FAM78A: variants seen among roughly 807,000 people sequenced by gnomAD.
FAM78A encodes the protein protein FAM78A.
Under a neutral mutation model 22.6 loss-of-function variants are expected in FAM78A, and 12 were observed. The ratio of observed to expected loss-of-function variants is 0.53; its 90% confidence interval spans 0.34 to 0.86. The LOEUF (loss-of-function observed/expected upper bound fraction) is 0.86. Among genes scored for constraint, FAM78A ranks in the 40% least tolerant of loss-of-function variants. The pLI is 0.02. For missense variants in FAM78A, 322 were observed against 396.1 expected, an observed-to-expected ratio of 0.81 and a Z score of 1.59; for synonymous variants, 151 against 155.8, an observed-to-expected ratio of 0.97 and a Z score of 0.23.
Position 131,265,778 on chromosome 9 carries a change from C to A in FAM78A, c.324-4428G>T, listed in dbSNP as rs1458905097. On this transcript the variant is annotated intron_variant, in intron 1 of 1. Transcript: ENST00000372271. The surrounding 1 kb of genome is among the most constrained non-coding windows in gnomAD (Gnocchi z 4.3). ...TGCAGGCCCCGGACAGCTGTCCAGT[C>A]TAGGAGCCCAGCAGGCCGTTCACCT... 6.6e-6 allele frequency among the ~76,000 whole-genome samples: 1 copy of A among 152,188 alleles called. No individual in the cohort carries two copies. The highest frequency in any genetic ancestry group is 2.4e-5 in the African/African-American group (1 of 41,452).
Position 131,261,418 on chromosome 9 carries a change from G to T in FAM78A, c.324-68C>A. On this transcript the variant is annotated intron_variant, in intron 1 of 1. Coordinates refer to ENST00000372271, the MANE Select transcript of FAM78A (RefSeq NM_033387.4). This position sits in a 1 kb window ranked among gnomAD's most constrained non-coding sequence, Gnocchi z 7.1. ...GAGGGCTTTCTGTGTCCCCCTGGCA[G>T]GCCAGGGGCTGTCCTGGGCCCTGAG... is the stretch of plus-strand genomic sequence containing the variant. 2 of 1,420,076 alleles carry T rather than the reference G, an allele frequency of 1.4e-6. No individual in the cohort carries two copies. The highest frequency in any genetic ancestry group is 1.9e-6 in the Non-Finnish European group (2 of 1,074,222). 88.0% of individuals were successfully genotyped at this position (1,420,076 alleles called of 1,614,324 possible).
Position 131,260,717 on chromosome 9 carries a change from A to C in FAM78A, c.*105T>G. 7.3e-7 allele frequency: 1 copy of C among 1,373,338 alleles called. No homozygotes were observed. The highest frequency in any genetic ancestry group is 9.7e-7 in the Non-Finnish European group (1 of 1,033,558). The allele number at this position is 1,373,338 out of a possible 1,614,324, so 85.1% of individuals were successfully genotyped here. A position where few individuals can be genotyped will look rare whatever the true frequency, so the allele number is the denominator to read the frequency against. On this transcript the variant is annotated 3_prime_UTR_variant, in exon 2 of 2. Coordinates refer to ENST00000372271, the MANE Select transcript of FAM78A (RefSeq NM_033387.4). The surrounding 1 kb of genome is among the most constrained non-coding windows in gnomAD (Gnocchi z 5.4). The stretch of plus-strand genomic sequence containing the variant: ...GCACAGTGAGATCCGCCCGCTGGAG[A>C]GGGTAGAATGGTTGTATCTTGCTGA...
chr9:131,262,278 C>A (rs1835281294), intron 1 of FAM78A, among the ~76,000 whole-genome samples: 1 of 150,468 alleles, frequency 6.6e-6, no homozygotes, highest in Non-Finnish European at 1.5e-5. Context: ...GCCATGCACT[C>A]CAGCCTGGGC....
At position 131,275,913 on chromosome 9, in the gene FAM78A, G is replaced by C. The variant is rs1338731328; in HGVS notation, c.267C>G (p.Gly89=). 1.9e-6 allele frequency: 3 copies of C among 1,612,468 alleles called. No individual in the cohort carries two copies. Residue 89 remains glycine, a synonymous_variant, in exon 1 of 2, where the codon GGC becomes GGG. Coordinates refer to ENST00000372271, the MANE Select transcript of FAM78A (RefSeq NM_033387.4). The surrounding 1 kb of genome is among the most constrained non-coding windows in gnomAD (Gnocchi z 4.6). The stretch of plus-strand genomic sequence containing the variant: ...CCATGTGGCTGCACGCCTGGATCCA[G>C]CCAACTACCCAAGTCTCCTTCTTGG... ...PIPKKETWVV[G]WIQACSHMEF... is the part of the protein sequence containing the mutation.
chr9:131,272,785 G>A lies in FAM78A; in HGVS notation c.323+3072C>T, dbSNP rs984710563. Among the ~76,000 whole-genome samples, 1 of 152,012 alleles carries A rather than the reference G, an allele frequency of 6.6e-6. No individual in the cohort carries two copies. The highest frequency in any genetic ancestry group is 2.4e-5 in the African/African-American group (1 of 41,376). ...GTCTCTACTAAAAATATAAAAATTA[G>A]CTGGGCATGGTGGCGCATGCCTGTA... is the stretch of plus-strand genomic sequence containing the variant. On this transcript the variant is annotated intron_variant, in intron 1 of 1. Coordinates refer to ENST00000372271, the MANE Select transcript of FAM78A (RefSeq NM_033387.4). This position sits in a 1 kb window ranked among gnomAD's most constrained non-coding sequence, Gnocchi z 4.1.
intron 1 of FAM78A, among the ~76,000 whole-genome samples, chr9:131,273,065 T>C (rs1334870814): frequency 6.6e-6 from 1 of 152,036 alleles, no homozygotes; most frequent in Admixed American, 6.5e-5. Flanking sequence ...CCTTCAAGGG[T>C]GCAGGTTGAA....
At chr9:131,277,007 C>CG (rs1400921279), upstream of FAM78A, among the ~76,000 whole-genome samples, 5 of 149,668 alleles carry the variant, frequency 3.3e-5, no homozygotes, top group Non-Finnish European at 7.5e-5. This position sits in a 1 kb window ranked among gnomAD's most constrained non-coding sequence, Gnocchi z 8.4. Context: ...AACTTTGCTG[C>CG]GGGGGGCGCG....
At chr9:131,269,101 CAAAAAAAAAA>C (rs34943494) in intron 1 of FAM78A, among the ~76,000 whole-genome samples, 1 of 89,828 alleles carries the variant, frequency 1.1e-5, no homozygotes, top group African/African-American at 4.9e-5. Context: ...AACTTCGTCT[CAAAAAAAAAA>C]AAAAAAAAAA....
rs752480174 is a variant in FAM78A, at chr9:131,276,395, T to C, written c.-216A>G. 6.7e-5 allele frequency: 33 copies of C among 495,100 alleles called. No homozygotes were observed. Among genetic ancestry groups the C allele is most frequent in the Non-Finnish European group, 1.1e-4 (31 of 281,222 alleles). 30.7% of individuals were successfully genotyped at this position (495,100 alleles called of 1,614,324 possible). On this transcript the variant is annotated 5_prime_UTR_variant, in exon 1 of 2. Coordinates refer to ENST00000372271, the MANE Select transcript of FAM78A (RefSeq NM_033387.4). The surrounding 1 kb of genome is among the most constrained non-coding windows in gnomAD (Gnocchi z 4.3). The stretch of plus-strand genomic sequence containing the variant: ...AGTGGACAAAAATCACCGATATTCT[T>C]TGGGTTAAAAAAAGTTTGTAGTTTA...
At chr9:131,279,095 C>T (rs987597563), upstream of FAM78A, among the ~76,000 whole-genome samples, 3 of 152,240 alleles carry the variant, frequency 2.0e-5, no homozygotes, top group South Asian at 6.2e-4. Flanking sequence ...TGGCCCGTAT[C>T]CCCAGCTAAT....
chr9:131,264,958 G>A (rs1263733636), intron 1 of FAM78A, among the ~76,000 whole-genome samples: 1 of 152,044 alleles, frequency 6.6e-6, no homozygotes, highest in African/African-American at 2.4e-5. Context: ...CCTGACCTCA[G>A]GTGATCTGCC....
upstream of FAM78A, among the ~76,000 whole-genome samples, chr9:131,280,570 C>T (rs1420664907): frequency 1.3e-5 from 2 of 152,072 alleles, no homozygotes; most frequent in African/African-American, 4.8e-5. Flanking sequence ...GAGACACGGC[C>T]CCATCCCCCA....
chr9:131,264,718 T>C (rs1835321372), intron 1 of FAM78A: 4 of 652,408 alleles, frequency 6.1e-6, no homozygotes, highest in South Asian at 3.4e-5. Flanking sequence ...CCTGAAGCCT[T>C]TTCTGACCTT....
chr9:131,261,631 A>G lies in FAM78A; in HGVS notation c.324-281T>C, dbSNP rs1228612471. Reference sequence around the variant, plus strand: ...ATCCCACACTCCCATGTGGCCATGGATATAGTAGCATCTGGGAGCCCACCC... The same window carrying G: ...ATCCCACACTCCCATGTGGCCATGGGTATAGTAGCATCTGGGAGCCCACCC... On this transcript the variant is annotated intron_variant, in intron 1 of 1. Transcript: ENST00000372271. The surrounding 1 kb of genome is among the most constrained non-coding windows in gnomAD (Gnocchi z 7.1). 6.6e-6 allele frequency among the ~76,000 whole-genome samples: 1 copy of G among 152,098 alleles called. No individual in the cohort carries two copies. Among genetic ancestry groups the G allele is most frequent in the Non-Finnish European group, 1.5e-5 (1 of 68,010 alleles).
chr9:131,274,798 T>C lies in FAM78A; in HGVS notation c.323+1059A>G, dbSNP rs978457087. 3.3e-5 allele frequency among the ~76,000 whole-genome samples: 5 copies of C among 151,932 alleles called. No homozygotes were observed. The East Asian group carries it at 5.8e-4, about 18-fold the overall frequency. ...AACGGGGACGTGAAGCTGCACAGGG[T>C]AGACACTGAGAGAGGCTCTGGGAGT... On this transcript the variant is annotated intron_variant, in intron 1 of 1. Transcript: ENST00000372271. The surrounding 1 kb of genome is among the most constrained non-coding windows in gnomAD (Gnocchi z 4.2).
At chr9:131,276,914 G>A (rs1008577554), upstream of FAM78A, among the ~76,000 whole-genome samples, 74 of 149,276 alleles carry the variant, frequency 5.0e-4, no homozygotes, top group African/African-American at 1.8e-3. The surrounding 1 kb of genome is among the most constrained non-coding windows in gnomAD (Gnocchi z 4.3). Context: ...TCCGGCCGCC[G>A]CCGCCTGCTT....
intron 1 of FAM78A, among the ~76,000 whole-genome samples, chr9:131,273,510 A>T (rs968123731): frequency 6.6e-6 from 1 of 152,260 alleles, no homozygotes; most frequent in Non-Finnish European, 1.5e-5. Flanking sequence ...GGGCAGAGAG[A>T]GAACAAGGAA....
intron 1 of FAM78A, among the ~76,000 whole-genome samples, chr9:131,262,075 A>G (rs1835277870): frequency 6.6e-6 from 1 of 151,774 alleles, no homozygotes; most frequent in Non-Finnish European, 1.5e-5. Flanking sequence ...AAAAATACAA[A>G]AATTCACTTT....
Position 131,261,367 on chromosome 9 carries a change from C to A in FAM78A, c.324-17G>T. The A allele has an allele frequency of 6.4e-7, 1 of 1,553,306 alleles. No homozygotes were observed. The highest frequency in any genetic ancestry group is 8.6e-7 in the Non-Finnish European group (1 of 1,158,158). On this transcript the variant is annotated splice_polypyrimidine_tract_variant and intron_variant, in intron 1 of 1. Transcript: ENST00000372271. This position sits in a 1 kb window ranked among gnomAD's most constrained non-coding sequence, Gnocchi z 7.1. ...CAGCTGGACCTGAGGACAAGGAAGG[C>A]CAGTTCACTCACTCGGTCACTCAAG...
Sources: gnomAD v4.1 joint callset for allele counts (sites outside exome capture counted in the v4.1 genomes callset) on GRCh38, gnomAD v4.1.1 for gene constraint, Gnocchi (gnomAD v3.1) non-coding constraint, MANE v1.5 for transcripts, NCBI Gene and HGNC (gene_info 2026-07-23, HGNC 2026-07-21) for gene names.